BRINP2: variants seen among roughly 807,000 people sequenced by gnomAD.
BRINP2 encodes BMP/retinoic acid inducible neural specific 2, also known as BMP/retinoic acid-inducible neural-specific protein 2.
In BRINP2, 21 loss-of-function variants were observed where a neutral mutation model predicts 69.2. That is an observed-to-expected ratio of 0.30 (90% CI 0.22 to 0.44). BRINP2 has a LOEUF of 0.44. Ranked by LOEUF, BRINP2 falls within the 20% of genes least tolerant of loss-of-function variation. The pLI, the probability that BRINP2 is intolerant of heterozygous loss-of-function variation, is 1.00. For synonymous variants in BRINP2, 380 were observed against 394.1 expected (o/e 0.96, Z 0.42); for missense variants, 877 against 986.0 (o/e 0.89, Z 1.48).
chr1:177,244,431 A>G (rs937450118), intron 2 of BRINP2, among the ~76,000 whole-genome samples: 2 of 152,226 alleles, frequency 1.3e-5, no homozygotes, highest in African/African-American at 4.8e-5. Context: ...TATTGCTACA[A>G]TGATGCATAC....
chr1:177,223,465 G>A (rs953848173), intron 1 of BRINP2, among the ~76,000 whole-genome samples: 26 of 152,152 alleles, frequency 1.7e-4, no homozygotes, highest in Admixed American at 2.0e-4. Flanking sequence ...CCATCCCTTG[G>A]GACAGTCCTT....
chr1:177,212,581 G>C (rs2102311909), intron 1 of BRINP2, among the ~76,000 whole-genome samples: 1 of 152,224 alleles, frequency 6.6e-6, no homozygotes, highest in East Asian at 1.9e-4. Context: ...GCTGGAGTTG[G>C]TTTCACACTA....
chr1:177,173,934 C>T (rs935749569), intron 1 of BRINP2, among the ~76,000 whole-genome samples: 1 of 152,154 alleles, frequency 6.6e-6, no homozygotes, highest in African/African-American at 2.4e-5. Flanking sequence ...TTCCCCACTG[C>T]GCAGTGTATT....
At chr1:177,188,379 AAAC>A (rs1219529539) in intron 1 of BRINP2, among the ~76,000 whole-genome samples, 3 of 152,224 alleles carry the variant, frequency 2.0e-5, no homozygotes, top group African/African-American at 4.8e-5. Context: ...GACAAGCAAT[AAAC>A]AACAACAAGA....
chr1:177,251,700 C>T (rs918441790), intron 2 of BRINP2, among the ~76,000 whole-genome samples: 29 of 152,088 alleles, frequency 1.9e-4, no homozygotes, highest in African/African-American at 7.0e-4. Context: ...TTATGAGAAA[C>T]ATAAGGAAAC....
chr1:177,268,878 G>A (rs1651212943), intron 4 of BRINP2, among the ~76,000 whole-genome samples: 1 of 152,132 alleles, frequency 6.6e-6, no homozygotes, highest in South Asian at 2.1e-4. Context: ...GACGGGATTG[G>A]TTTTGGCCTT....
At chr1:177,174,055 C>T (rs1161085792) in intron 1 of BRINP2, among the ~76,000 whole-genome samples, 1 of 152,224 alleles carries the variant, frequency 6.6e-6, no homozygotes, top group Non-Finnish European at 1.5e-5. Flanking sequence ...AATTAATCCT[C>T]ACACGGCTTA....
At position 177,227,046 on chromosome 1, in the gene BRINP2, C is replaced by T. The variant is rs184780448; in HGVS notation, c.-76-2755C>T. 3.3e-5 allele frequency among the ~76,000 whole-genome samples: 5 copies of T among 152,314 alleles called. No individual in the cohort carries two copies. The East Asian group carries it at 7.7e-4, about 24-fold the overall frequency. On this transcript the variant is annotated intron_variant, in intron 1 of 7. Coordinates refer to ENST00000361539, the MANE Select transcript of BRINP2 (RefSeq NM_021165.4). ...TGATCTAAAATATCTGCCATCTGGA[C>T]TTTCAATGCACTCTGCAGTCATTGA...
intron 4 of BRINP2, among the ~76,000 whole-genome samples, chr1:177,266,618 G>C (rs1651131357): frequency 6.6e-6 from 1 of 151,722 alleles, no homozygotes; most frequent in South Asian, 2.1e-4. Flanking sequence ...AAATTAGCCG[G>C]GCGTGGTGGC....
chr1:177,262,512 A>G (rs1488104134), intron 4 of BRINP2, among the ~76,000 whole-genome samples: 1 of 45,354 alleles, frequency 2.2e-5, no homozygotes, highest in Non-Finnish European at 6.8e-5. Flanking sequence ...CTCTGTCTGG[A>G]AAAAAAAAAA....
chr1:177,219,437 T>C (rs1649464549), intron 1 of BRINP2, among the ~76,000 whole-genome samples: 1 of 152,252 alleles, frequency 6.6e-6, no homozygotes, highest in South Asian at 2.1e-4. Flanking sequence ...TGTGTACTTA[T>C]TGACATTCAT....
At chr1:177,244,970 C>T (rs1290210437) in intron 2 of BRINP2, among the ~76,000 whole-genome samples, 1 of 152,100 alleles carries the variant, frequency 6.6e-6, no homozygotes, top group Non-Finnish European at 1.5e-5. Context: ...GAAATAAGCT[C>T]CCCTCTCACA....
intron 4 of BRINP2, among the ~76,000 whole-genome samples, chr1:177,271,574 G>T (rs1651328105): frequency 6.6e-6 from 1 of 152,262 alleles, no homozygotes; most frequent in South Asian, 2.1e-4. Flanking sequence ...TTTCCTCCTT[G>T]GAGAGTGATA....
chr1:177,255,136 A>G (rs972646844), intron 2 of BRINP2, among the ~76,000 whole-genome samples: 10 of 152,230 alleles, frequency 6.6e-5, no homozygotes, highest in Non-Finnish European at 1.3e-4. Context: ...ACCAAAGATG[A>G]AAATCCACAA....
intron 2 of BRINP2, among the ~76,000 whole-genome samples, chr1:177,244,270 C>T (rs1650304023): frequency 6.6e-6 from 1 of 152,088 alleles, no homozygotes; most frequent in Non-Finnish European, 1.5e-5. Flanking sequence ...TATTCAAGTA[C>T]ATTAATAAAG....
chr1:177,202,080 A>T (rs1196418208), intron 1 of BRINP2, among the ~76,000 whole-genome samples: 3 of 150,594 alleles, frequency 2.0e-5, no homozygotes, highest in African/African-American at 4.9e-5. Context: ...CATCTATTTG[A>T]TTCTTCTCTC....
intron 4 of BRINP2, among the ~76,000 whole-genome samples, chr1:177,271,725 T>A (rs1490987129): frequency 1.3e-5 from 2 of 152,168 alleles, no homozygotes; most frequent in African/African-American, 4.8e-5. Context: ...TCATGCTCTG[T>A]GTCTATTGCT....
intron 1 of BRINP2, among the ~76,000 whole-genome samples, chr1:177,172,008 CT>C (rs1489596618): frequency 6.6e-6 from 1 of 152,146 alleles, no homozygotes; most frequent in Non-Finnish European, 1.5e-5. Flanking sequence ...TTGCTTTTGC[CT>C]GGTTTAAGTC....
chr1:177,263,936 A>G (rs1312282727), intron 4 of BRINP2, among the ~76,000 whole-genome samples: 1 of 152,206 alleles, frequency 6.6e-6, no homozygotes, highest in African/African-American at 2.4e-5. Flanking sequence ...TGCTAAATGC[A>G]GCTGATAAAA....
Sources: allele counts gnomAD v4.1 joint callset (sites outside exome capture counted in the v4.1 genomes callset), GRCh38; gene constraint gnomAD v4.1.1; transcripts MANE v1.5; gene names NCBI Gene and HGNC (gene_info 2026-07-23, HGNC 2026-07-21).